Variants in CCAR1 observed in about 807,000 individuals in gnomAD.
CCAR1 encodes cell division cycle and apoptosis regulator 1.
In CCAR1, 78 loss-of-function variants were observed where a neutral mutation model predicts 163.8. The observed-to-expected ratio is 0.48, with a 90% CI of 0.40 to 0.57. CCAR1 has a LOEUF of 0.57. Ranked by LOEUF, CCAR1 falls within the 20% of genes least tolerant of loss-of-function variation. The pLI is 0.00. For synonymous variants in CCAR1, 443 were observed against 460.7 expected, an observed-to-expected ratio of 0.96 and a Z score of 0.49; for missense variants, 1,019 against 1,365.2, an observed-to-expected ratio of 0.75 and a Z score of 4.00.
intron 20 of CCAR1, 100 bp downstream of exon 20, chr10:68,786,318 A>G: frequency 1.1e-6 from 1 of 883,708 alleles, no homozygotes; most frequent in South Asian, 1.7e-5. Flanking sequence ...CATCTTTATT[A>G]CCACTAAGTA....
chr10:68,776,570 A>G (rs1397224122), intron 19 of CCAR1, among the ~76,000 whole-genome samples: 1 of 152,130 alleles, frequency 6.6e-6, no homozygotes, highest in Non-Finnish European at 1.5e-5. Context: ...CCGTCTGTAA[A>G]AAAGAAAAAG....
At chr10:68,752,692 A>G (rs2056346838) in intron 10 of CCAR1, among the ~76,000 whole-genome samples, 3 of 152,168 alleles carry the variant, frequency 2.0e-5, no homozygotes, top group African/African-American at 7.2e-5. Context: ...GCATATAGTG[A>G]GACCTCACCT....
intron 19 of CCAR1, among the ~76,000 whole-genome samples, 185 bp downstream of exon 19, chr10:68,773,284 A>G (rs536266503): frequency 7.4e-4 from 112 of 152,278 alleles, no homozygotes; most frequent in Non-Finnish European, 1.4e-3. Flanking sequence ...CATATTTATT[A>G]CTAATTATCC....
chr10:68,760,465 A>C (rs1247661580), intron 15 of CCAR1, among the ~76,000 whole-genome samples: 2 of 152,240 alleles, frequency 1.3e-5, no homozygotes, highest in Non-Finnish European at 2.9e-5. Flanking sequence ...CATTTAAAAA[A>C]ATTTTTATGC....
In CCAR1 at chr10:68,742,851, C is replaced by G. The variant is rs141712670; in HGVS notation, c.518+282C>G. ...AGATTGGTCTTTAAACTCCTGACCT[C>G]AAGTGAGCCACCCGCCTCAGCTTCC... On this transcript the variant is annotated intron_variant, in intron 6 of 24. Transcript: ENST00000265872. Among the ~76,000 whole-genome samples the G allele has an allele frequency of 5.8e-3, 878 of 152,292 alleles. 12 individuals are homozygous for G. Among genetic ancestry groups the G allele is most frequent in the African/African-American group, 0.02 (825 of 41,566 alleles).
intron 16 of CCAR1, among the ~76,000 whole-genome samples, chr10:68,764,396 A>T (rs1198158278): frequency 6.6e-6 from 1 of 151,802 alleles, no homozygotes; most frequent in South Asian, 2.1e-4. Context: ...AAAAAAAAAA[A>T]TTTAGCCGAG....
intron 24 of CCAR1, 45 bp downstream of exon 24, chr10:68,789,960 T>G (rs1204802282): frequency 8.1e-7 from 1 of 1,232,118 alleles, no homozygotes; most frequent in African/African-American, 1.5e-5. Context: ...TTTAAAAATC[T>G]AACTCTGGTG....
chr10:68,790,057 A>C, intron 24 of CCAR1, 142 bp downstream of exon 24: 1 of 559,578 alleles, frequency 1.8e-6, no homozygotes, highest in Admixed American at 3.9e-5. Flanking sequence ...TGAGATTAGT[A>C]AAAAGTGATT....
At position 68,735,371 on chromosome 10, in the gene CCAR1, CTTTTTTTTTT is replaced by C. The variant is rs34103994; in HGVS notation, c.74-1494_74-1485del. Among the ~76,000 whole-genome samples the C allele has an allele frequency of 7.6e-4, 88 of 115,396 alleles. 1 individual carries two copies. Among genetic ancestry groups the C allele is most frequent in the Non-Finnish European group, 1.1e-3 (67 of 59,858 alleles). The allele number at this position is 115,396 out of a possible 152,430, so 75.7% of individuals were successfully genotyped here. ...CTCAAAAACACAAACCGTTTTTGTG[CTTTTTTTTTT>C]TTTTTTTTTTCCAATATTGAGAGGT... On this transcript the variant is annotated intron_variant, in intron 2 of 24. Transcript: ENST00000265872.
chr10:68,751,193 A>G (rs1564537966), intron 10 of CCAR1, among the ~76,000 whole-genome samples: 1 of 151,596 alleles, frequency 6.6e-6, no homozygotes. Flanking sequence ...ACACCTGGCT[A>G]ATTTTGTATT....
intron 2 of CCAR1, among the ~76,000 whole-genome samples, chr10:68,730,714 C>T (rs2056026090): frequency 6.6e-6 from 1 of 152,088 alleles, no homozygotes; most frequent in Non-Finnish European, 1.5e-5. Context: ...TTTTTTGAGA[C>T]AGGGCCTCAC....
At chr10:68,764,889 G>GTAATTC (rs2133384889) in intron 16 of CCAR1, among the ~76,000 whole-genome samples, 1 of 152,312 alleles carries the variant, frequency 6.6e-6, no homozygotes, top group South Asian at 2.1e-4. Flanking sequence ...CTACAGGGAT[G>GTAATTC]TAATTCTGCT....
chr10:68,742,013 C>G (rs1251571021), intron 5 of CCAR1, among the ~76,000 whole-genome samples: 1 of 152,108 alleles, frequency 6.6e-6, no homozygotes, highest in Non-Finnish European at 1.5e-5. Flanking sequence ...AATGCTATTT[C>G]CCTAAGTGTA....
chr10:68,786,756 G>A (rs560653154), intron 21 of CCAR1, 64 bp downstream of exon 21: 1 of 1,389,386 alleles, frequency 7.2e-7, no homozygotes, highest in African/African-American at 1.5e-5. Context: ...CCAGTGAAAA[G>A]TTAATAGAAC....
Position 68,760,204 on chromosome 10 carries a change from GAGTGCAGTGCAT to G in CCAR1, c.1921-799_1921-788del, listed in dbSNP as rs577433629. 2.8e-3 allele frequency among the ~76,000 whole-genome samples: 420 copies of G among 152,214 alleles called. 3 individuals are homozygous for G. The highest frequency in any genetic ancestry group is 9.4e-3 in the African/African-American group (392 of 41,524). Reference sequence around the variant, plus strand: ...GACAAGGTCTCTGTCGCCGCGGCTGGAGTGCAGTGCATAGTTCACTGGAACCTTAAACTCCTG... The same window carrying G: ...GACAAGGTCTCTGTCGCCGCGGCTGGAGTTCACTGGAACCTTAAACTCCTG... On this transcript the variant is annotated intron_variant, in intron 15 of 24. Coordinates refer to ENST00000265872, the MANE Select transcript of CCAR1 (RefSeq NM_018237.4).
At position 68,747,177 on chromosome 10, in the gene CCAR1, A is replaced by AC. The variant is rs1240749611; in HGVS notation, c.541dup (p.Gln181ProfsTer4). 6.3e-7 allele frequency: 1 copy of AC among 1,583,378 alleles called. No homozygotes were observed. Among genetic ancestry groups the AC allele is most frequent in the Non-Finnish European group, 8.6e-7 (1 of 1,167,590 alleles). On this transcript the variant is annotated frameshift_variant, in exon 7 of 25. Transcript: ENST00000265872. ...TTTTTACAGTGCTGTCAAAGGGAAA[A>AC]CCCCCCAAGTAGGTGACAGAGTATT...
chr10:68,749,769 C>A (rs532645150), intron 10 of CCAR1, 84 bp downstream of exon 10: 15 of 1,212,946 alleles, frequency 1.2e-5, no homozygotes, highest in Admixed American at 4.2e-5. Context: ...ATTTTTCTTG[C>A]AAGATTGATT....
At chr10:68,737,498 CAAAAA>C (rs1200590065) in intron 3 of CCAR1, among the ~76,000 whole-genome samples, 4 of 64,472 alleles carry the variant, frequency 6.2e-5, no homozygotes, top group South Asian at 9.6e-4. Flanking sequence ...ACCCTGTGTC[CAAAAA>C]AAAAAAAAAA....
intron 2 of CCAR1, among the ~76,000 whole-genome samples, chr10:68,725,874 G>C (rs1006181170): frequency 6.6e-6 from 1 of 151,994 alleles, no homozygotes; most frequent in Non-Finnish European, 1.5e-5. Context: ...CCAGCACTTT[G>C]GGAGGCTGAG....
Sources: gnomAD v4.1 joint callset for allele counts (sites outside exome capture counted in the v4.1 genomes callset) on GRCh38, gnomAD v4.1.1 for gene constraint, MANE v1.5 for transcripts, NCBI Gene and HGNC (gene_info 2026-07-23, HGNC 2026-07-21) for gene names.